Variants in STRA8 observed in about 807,000 individuals in gnomAD.
STRA8 encodes the protein stimulated by retinoic acid 8.
A neutral mutation model predicts 37.1 loss-of-function variants in STRA8; 18 were observed. The ratio of observed to expected loss-of-function variants is 0.48; its 90% CI spans 0.34 to 0.72. The LOEUF is 0.72. Among genes scored for constraint, STRA8 ranks in the 30% least tolerant of loss-of-function variants. The pLI is 0.01. For missense variants in STRA8, 357 were observed against 410.4 expected (o/e 0.87, Z 1.13); for synonymous variants, 168 against 162.9 (o/e 1.03, Z -0.24).
chr7:135,252,304 A>G (rs1276034327), intron 7 of STRA8, among the ~76,000 whole-genome samples: 1 of 152,156 alleles, frequency 6.6e-6, no homozygotes, highest in Non-Finnish European at 1.5e-5. Flanking sequence ...AGTGCTACAC[A>G]CTTTTCAAAT....
chr7:135,244,474 A>G (rs1832515827), intron 4 of STRA8, among the ~76,000 whole-genome samples: 1 of 152,174 alleles, frequency 6.6e-6, no homozygotes, highest in Non-Finnish European at 1.5e-5. Flanking sequence ...ATTCTCTTCA[A>G]GGTGTCTTTT....
chr7:135,243,355 A>G lies in STRA8; in HGVS notation c.298A>G (p.Ser100Gly). 1 of 1,614,194 alleles carries G rather than the reference A, an allele frequency of 6.2e-7. No homozygotes were observed. The highest frequency in any genetic ancestry group is 8.5e-7 in the Non-Finnish European group (1 of 1,180,008). ...CTTCAACCTGGAAGATGGGCATGCA[A>G]GCAGCTTAGAGGAGGTCAAGAAAGA... ...ASFNLEDGHA[S>G]SLEEVKKEYA... The change falls in exon 4 of 9, where the codon AGC becomes GGC. Residue 100 changes from serine (S) to glycine (G), a missense_variant. Physicochemically the swap from Ser to Gly is moderately conservative, Grantham distance 56. Transcript: ENST00000662584.
At chr7:135,247,937 G>T (rs923025079) in intron 6 of STRA8, among the ~76,000 whole-genome samples, 8 of 152,212 alleles carry the variant, frequency 5.3e-5, no homozygotes, top group Non-Finnish European at 1.2e-4. Context: ...CAGCCGATTC[G>T]CATTCTGCAC....
At chr7:135,236,546 C>T (rs1294310877) in intron 1 of STRA8, among the ~76,000 whole-genome samples, 1 of 152,164 alleles carries the variant, frequency 6.6e-6, no homozygotes, top group African/African-American at 2.4e-5. Context: ...TTCACATTCA[C>T]CTCTCCAAGC....
At chr7:135,241,238 C>G (rs2117794151) in intron 2 of STRA8, among the ~76,000 whole-genome samples, 1 of 152,330 alleles carries the variant, frequency 6.6e-6, no homozygotes, top group Middle Eastern at 3.4e-3. Context: ...GCTGACCCAA[C>G]AGCATCAACA....
chr7:135,234,500 T>C (rs954352200), intron 1 of STRA8, among the ~76,000 whole-genome samples: 1 of 152,208 alleles, frequency 6.6e-6, no homozygotes. Context: ...TATTATACTG[T>C]CTGGGGCTTG....
intron 7 of STRA8, 144 bp downstream of exon 7, chr7:135,252,013 A>AGAGAGTGTGTGT (rs142941773): frequency 3.4e-5 from 17 of 505,384 alleles, no homozygotes; most frequent in African/African-American, 2.7e-4. Flanking sequence ...AGAGAGAGAG[A>AGAGAGTGTGTGT]GTGTGTGTGT....
intron 7 of STRA8, among the ~76,000 whole-genome samples, chr7:135,253,869 T>C (rs927410806): frequency 1.3e-5 from 2 of 152,216 alleles, no homozygotes; most frequent in African/African-American, 2.4e-5. Context: ...GTGATCCCAA[T>C]GAATATCTCA....
chr7:135,246,429 T>C lies in STRA8; in HGVS notation c.606T>C (p.Phe202=). ...GCTTCTGTTCCAGGTATCTCAACTTTTACAAACAGACGATGGACCTTCTGA... is the reference window on the plus strand; with the variant it reads ...GCTTCTGTTCCAGGTATCTCAACTTCTACAAACAGACGATGGACCTTCTGA... ...DLMEFERYLN[F]YKQTMDLLTG... The change falls in exon 6 of 9, where the codon TTT becomes TTC. Residue 202 remains phenylalanine, a synonymous_variant. Coordinates refer to ENST00000662584, the MANE Select transcript of STRA8 (RefSeq NM_001394401.1). This position sits in a 1 kb window ranked among gnomAD's most constrained non-coding sequence, Gnocchi z 5.4. 1 of 1,603,356 alleles carries C rather than the reference T, an allele frequency of 6.2e-7. No homozygotes were observed. Among genetic ancestry groups the C allele is most frequent in the Non-Finnish European group, 8.5e-7 (1 of 1,174,424 alleles).
intron 1 of STRA8, among the ~76,000 whole-genome samples, chr7:135,238,832 G>A (rs1832417766): frequency 6.6e-6 from 1 of 152,216 alleles, no homozygotes; most frequent in Non-Finnish European, 1.5e-5. Flanking sequence ...AGACCATGAA[G>A]GCATAGGCTC....
chr7:135,251,660 C>A, intron 6 of STRA8, 136 bp from the exon 7 acceptor site: 1 of 796,982 alleles, frequency 1.3e-6, no homozygotes, highest in Admixed American at 2.0e-5. Context: ...TGGGTGTGGG[C>A]CCCAGCTCTG....
intron 5 of STRA8, among the ~76,000 whole-genome samples, chr7:135,245,762 C>T (rs150866446): frequency 5.1e-4 from 77 of 152,318 alleles, no homozygotes; most frequent in African/African-American, 1.6e-3. Context: ...ATAGCACATA[C>T]ACTCATACAG....
Position 135,258,483 on chromosome 7 carries a change from A to C in STRA8, c.1131A>C (p.Glu377Asp), listed in dbSNP as rs1250610233. The C allele has an allele frequency of 1.3e-6, 2 of 1,599,692 alleles. No homozygotes were observed. Among genetic ancestry groups the C allele is most frequent in the Non-Finnish European group, 1.7e-6 (2 of 1,172,610 alleles). ...MLQCTETFDD[E>D]DL ...AGTGCACAGAGACCTTTGACGATGA[A>C]GATTTGTAATGCAGAAGAGGAGCTG... Residue 377 changes from glutamate to aspartate, a missense_variant, in exon 9 of 9, where the codon GAA (glutamate) becomes GAC (aspartate). Physicochemically the swap from Glu to Asp is conservative, Grantham distance 45 (BLOSUM62 2). Transcript: ENST00000662584.
chr7:135,256,731 C>T (rs1299931655), intron 8 of STRA8, among the ~76,000 whole-genome samples: 3 of 152,170 alleles, frequency 2.0e-5, no homozygotes, highest in Admixed American at 6.5e-5. Flanking sequence ...TTTGAGCCTA[C>T]AAGGCAGAGG....
chr7:135,243,306 G>A lies in STRA8; in HGVS notation c.269-20G>A. 4 of 1,613,448 alleles carry A rather than the reference G, an allele frequency of 2.5e-6. No homozygotes were observed. The highest frequency in any genetic ancestry group is 2.5e-6 in the Non-Finnish European group (3 of 1,179,488). Reference sequence around the variant, plus strand: ...GCCTGACTTTTCTCTTTGTGTTCCTGGTCTTCAACTCCCCAATAGCATCCT... The same window carrying A: ...GCCTGACTTTTCTCTTTGTGTTCCTAGTCTTCAACTCCCCAATAGCATCCT... On this transcript the variant is annotated intron_variant, in intron 3 of 8. Transcript: ENST00000662584.
At chr7:135,258,286 G>A in intron 8 of STRA8, 132 bp from the exon 9 acceptor site, 1 of 658,686 alleles carries the variant, frequency 1.5e-6, no homozygotes, top group Non-Finnish European at 2.5e-6. Flanking sequence ...AGCTGGAGGT[G>A]AAAATGCAGC....
chr7:135,242,878 A>T, intron 3 of STRA8, 22 bp downstream of exon 3: 1 of 1,611,844 alleles, frequency 6.2e-7, no homozygotes, highest in Non-Finnish European at 8.5e-7. Context: ...CTACTTGCCA[A>T]CCCCATCTCC....
At chr7:135,258,169 A>G (rs1832727778) in intron 8 of STRA8, among the ~76,000 whole-genome samples, 1 of 152,208 alleles carries the variant, frequency 6.6e-6, no homozygotes, top group South Asian at 2.1e-4. Flanking sequence ...TCCCCAGGAT[A>G]AAAAAGAAGC....
At chr7:135,240,770 T>C in intron 2 of STRA8, 54 bp downstream of exon 2, 1 of 1,596,532 alleles carries the variant, frequency 6.3e-7, no homozygotes, top group Non-Finnish European at 8.6e-7. Flanking sequence ...GGAGACGTTT[T>C]CACAGGTGGA....
Sources: gnomAD v4.1 joint callset for allele counts (sites outside exome capture counted in the v4.1 genomes callset) on GRCh38, gnomAD v4.1.1 for gene constraint, Gnocchi (gnomAD v3.1) non-coding constraint, MANE v1.5 for transcripts, NCBI Gene and HGNC (gene_info 2026-07-23, HGNC 2026-07-21) for gene names.